Variants in DOCK10 observed in about 807,000 individuals in gnomAD.
DOCK10 encodes the protein dedicator of cytokinesis protein 10.
In DOCK10, 145 loss-of-function variants were observed where a neutral mutation model predicts 280.1. The observed-to-expected ratio is 0.52, with a 90% CI of 0.45 to 0.59. DOCK10 has a LOEUF of 0.59. Among genes scored for constraint, DOCK10 ranks in the 20% least tolerant of loss-of-function variants. The probability of loss-of-function intolerance (pLI) is 0.00; values close to 1 mark genes in which losing one functional copy is unlikely to be tolerated. For missense variants in DOCK10, 2,368 were observed against 2,651.7 expected, an observed-to-expected ratio of 0.89 and a Z score of 2.35; for synonymous variants, 915 against 942.2, an observed-to-expected ratio of 0.97 and a Z score of 0.53.
At position 224,770,446 on chromosome 2, in the gene DOCK10, G is replaced by A; in HGVS notation, c.6306-97C>T. ...CAGAGTCAGGCTGCTGATGGACTCT[G>A]CCACCTCAGTGAGTTTTGGTGTGAT... On this transcript the variant is annotated intron_variant, in intron 54 of 55. Transcript: ENST00000258390. This position sits in a 1 kb window ranked among gnomAD's most constrained non-coding sequence, Gnocchi z 4.5. The A allele has an allele frequency of 6.4e-7, 1 of 1,560,656 alleles. No individual in the cohort carries two copies.
chr2:224,885,647 G>C (rs1315245839), intron 7 of DOCK10, 24 bp downstream of exon 7: 2 of 1,546,272 alleles, frequency 1.3e-6, no homozygotes, highest in Non-Finnish European at 8.7e-7. Context: ...AAAATCCCAA[G>C]GAGGAAAAGG....
intron 55 of DOCK10, chr2:224,768,781 G>T: frequency 2.7e-6 from 1 of 374,486 alleles, no homozygotes; most frequent in Non-Finnish European, 5.2e-6. Context: ...AGCTACTAGG[G>T]AGGTGACTAG....
Position 224,870,851 on chromosome 2 carries a change from G to C in DOCK10, c.1257+3145C>G, listed in dbSNP as rs367802415. On this transcript the variant is annotated intron_variant, in intron 11 of 55. Coordinates refer to ENST00000258390, the MANE Select transcript of DOCK10 (RefSeq NM_014689.3). Reference sequence around the variant, plus strand: ...TTTTTTTTTTTTTTTTTTTGAGACGGAGTCTCACTGTGTCACCCAGGCTGG... The same window carrying C: ...TTTTTTTTTTTTTTTTTTTGAGACGCAGTCTCACTGTGTCACCCAGGCTGG... Among the ~76,000 whole-genome samples the C allele has an allele frequency of 1.7e-4, 16 of 96,642 alleles. 1 individual carries two copies. Among genetic ancestry groups the C allele is most frequent in the African/African-American group, 9.6e-4 (16 of 16,654 alleles). The allele number at this position is 96,642 out of a possible 152,430, so 63.4% of individuals were successfully genotyped here.
chr2:224,961,955 G>T (rs1031663654), intron 1 of DOCK10, among the ~76,000 whole-genome samples: 2 of 152,106 alleles, frequency 1.3e-5, no homozygotes, highest in Non-Finnish European at 2.9e-5. Context: ...TTCTCCAGGG[G>T]GTACAGGAAT....
chr2:224,841,463 A>C (rs1469594698), intron 23 of DOCK10, among the ~76,000 whole-genome samples: 7 of 152,172 alleles, frequency 4.6e-5, no homozygotes, highest in Non-Finnish European at 1.0e-4. Flanking sequence ...ACTGTAGCCC[A>C]CCTTTATCTG....
intron 52 of DOCK10, 85 bp from the exon 53 acceptor site, chr2:224,773,432 A>G (rs1384836700): frequency 8.0e-7 from 1 of 1,254,948 alleles, no homozygotes; most frequent in East Asian, 2.3e-5. Flanking sequence ...AGGATCATGT[A>G]TCATTTCACG....
rs1160039873 is a variant in DOCK10, at chr2:224,814,361, G to C, written c.3368C>G (p.Pro1123Arg). 6 of 1,523,846 alleles carry C rather than the reference G, an allele frequency of 3.9e-6. No individual in the cohort carries two copies. In the East Asian group the frequency reaches 1.3e-4, roughly 32 times the overall value. The allele number at this position is 1,523,846 out of a possible 1,614,324, so 94.4% of individuals were successfully genotyped here. The change falls in exon 31 of 56, where the codon CCT becomes CGT. Residue 1123 changes from proline to arginine, a missense_variant. By Grantham distance (103) the Pro-to-Arg change is moderately radical. Coordinates refer to ENST00000258390, the MANE Select transcript of DOCK10 (RefSeq NM_014689.3). ...TTGAGTCGATTCTGAAGGTGTCAAA[G>C]GATCTGAATTTAATATAAATAAAAA... Reference protein sequence around the residue: ...LPIRSANIPDPLTPSESTQEL... With the variant: ...LPIRSANIPDRLTPSESTQEL...
intron 26 of DOCK10, among the ~76,000 whole-genome samples, chr2:224,833,293 GC>G (rs1345911361): frequency 6.6e-6 from 1 of 152,066 alleles, no homozygotes; most frequent in Non-Finnish European, 1.5e-5. Flanking sequence ...GCCTCCAGTG[GC>G]TTCCATGACT....
In DOCK10 at chr2:224,823,493, AACT is replaced by A; in HGVS notation, c.3183+5_3183+7del. The A allele has an allele frequency of 6.3e-7, 1 of 1,590,212 alleles. No homozygotes were observed. Among genetic ancestry groups the A allele is most frequent in the South Asian group, 1.2e-5 (1 of 86,220 alleles). On this transcript the variant is annotated splice_donor_5th_base_variant and intron_variant, in intron 28 of 55. Transcript: ENST00000258390. ...CTTGAATAGAACTGCGATCTCATATAACTGTACCTTGAGAAATCTGGCAACGCT... is the reference window on the plus strand; with the variant it reads ...CTTGAATAGAACTGCGATCTCATATAGTACCTTGAGAAATCTGGCAACGCT...
In DOCK10 at chr2:225,001,373, T is replaced by C. The variant is rs538108072; in HGVS notation, c.123+40879A>G. 8.5e-4 allele frequency among the ~76,000 whole-genome samples: 124 copies of C among 145,726 alleles called. 2 individuals are homozygous for C. The highest frequency in any genetic ancestry group is 3.2e-3 in the African/African-American group (119 of 37,608). On this transcript the variant is annotated intron_variant, in intron 1 of 55. Coordinates refer to ENST00000258390, the MANE Select transcript of DOCK10 (RefSeq NM_014689.3). ...GGCTTGATCTCAGCTCACTGCAAGC[T>C]CCGCCTCCCGGGTTTACGCCATTCT...
intron 19 of DOCK10, among the ~76,000 whole-genome samples, chr2:224,847,714 T>TG (rs1696456834): frequency 6.6e-6 from 1 of 152,096 alleles, no homozygotes; most frequent in Admixed American, 6.6e-5. Context: ...CCTGAATTTG[T>TG]GGGGGAAAAA....
At chr2:225,004,532 C>T (rs1051194721) in intron 1 of DOCK10, among the ~76,000 whole-genome samples, 1 of 152,178 alleles carries the variant, frequency 6.6e-6, no homozygotes, top group African/African-American at 2.4e-5. Flanking sequence ...GAAACTAGTG[C>T]ATCCTTATTT....
chr2:224,872,661 C>A (rs936305363), intron 11 of DOCK10, among the ~76,000 whole-genome samples: 3 of 152,154 alleles, frequency 2.0e-5, no homozygotes, highest in African/African-American at 7.2e-5. Context: ...GGCTAGTTTC[C>A]CTGGATCATA....
intron 33 of DOCK10, 69 bp downstream of exon 33, chr2:224,807,599 G>C: frequency 9.2e-7 from 1 of 1,087,202 alleles, no homozygotes; most frequent in South Asian, 1.5e-5. Context: ...GGTTATCCAG[G>C]GCAAAAAATA....
intron 40 of DOCK10, among the ~76,000 whole-genome samples, chr2:224,800,900 G>A (rs1177286254): frequency 6.6e-6 from 1 of 152,138 alleles, no homozygotes; most frequent in Non-Finnish European, 1.5e-5. Context: ...TAAGATGTAC[G>A]TTGGTTTGGT....
rs1689683068 is a variant in DOCK10 at position 225,018,552 on chromosome 2, A to AATATATATGTAATATT, written c.123+23684_123+23699dup. On this transcript the variant is annotated intron_variant, in intron 1 of 55. Transcript: ENST00000258390. ...TATATATGTAATATTATATATATATAATATATATGTAATATTATATATATA... is the reference window on the plus strand; with the variant it reads ...TATATATGTAATATTATATATATATAATATATATGTAATATTATATATATGTAATATTATATATATA... Among the ~76,000 whole-genome samples, 3 of 9,518 alleles carry AATATATATGTAATATT rather than the reference A, an allele frequency of 3.2e-4. 1 individual carries two copies. The highest frequency in any genetic ancestry group is 1.0e-3 in the Non-Finnish European group (3 of 2,944). 6.2% of individuals were successfully genotyped at this position (9,518 alleles called of 152,430 possible). A position where few individuals can be genotyped will look rare whatever the true frequency, so the allele number is the denominator to read the frequency against.
At chr2:225,032,009 A>T (rs767080931) in intron 1 of DOCK10, among the ~76,000 whole-genome samples, 2 of 152,210 alleles carry the variant, frequency 1.3e-5, no homozygotes, top group Non-Finnish European at 2.9e-5. Context: ...TTCACAGGTG[A>T]AATACAAATG....
At chr2:224,909,985 C>T (rs16866333) in intron 3 of DOCK10, among the ~76,000 whole-genome samples, 2,555 of 152,152 alleles carry the variant, frequency 0.017, 70 homozygotes, top group African/African-American at 0.059. Context: ...ATGCCTAATG[C>T]CTTTCATGAG....
At chr2:224,989,084 A>G (rs1334098849) in intron 1 of DOCK10, among the ~76,000 whole-genome samples, 1 of 152,052 alleles carries the variant, frequency 6.6e-6, no homozygotes, top group Admixed American at 6.6e-5. Context: ...GCTGCCACTC[A>G]CTCTTGAATT....
Sources: gnomAD v4.1 joint callset for allele counts (sites outside exome capture counted in the v4.1 genomes callset) on GRCh38, gnomAD v4.1.1 for gene constraint, Gnocchi (gnomAD v3.1) non-coding constraint, MANE v1.5 for transcripts, NCBI Gene and HGNC (gene_info 2026-07-23, HGNC 2026-07-21) for gene names.